MTMR9: variants seen among roughly 807,000 people sequenced by gnomAD.
MTMR9 encodes the protein myotubularin related protein 9, also known as myotubularin-related protein 9.
A neutral mutation model predicts 69.5 loss-of-function variants in MTMR9; 39 were observed. The observed-to-expected ratio is 0.56, with a 90% CI of 0.43 to 0.73. MTMR9 has a LOEUF of 0.73. Among genes scored for constraint, MTMR9 ranks in the 30% least tolerant of loss-of-function variants. The probability of loss-of-function intolerance (pLI) is 0.00; values close to 1 mark genes in which losing one functional copy is unlikely to be tolerated. For synonymous variants in MTMR9, 354 were observed against 240.8 expected (o/e 1.47, Z -4.35); for missense variants, 900 against 671.2 (o/e 1.34, Z -3.77).
At chr8:11,314,857 A>G in intron 6 of MTMR9, 66 bp from the exon 7 acceptor site, 1 of 1,521,472 alleles carries the variant, frequency 6.6e-7, no homozygotes, top group South Asian at 1.1e-5. Flanking sequence ...AACGCTTGTT[A>G]TTAACAGAGT....
At chr8:11,290,415 GT>G (rs1345341045) in intron 1 of MTMR9, among the ~76,000 whole-genome samples, 2 of 151,946 alleles carry the variant, frequency 1.3e-5, no homozygotes, top group African/African-American at 4.8e-5. Flanking sequence ...CCCATCTGTT[GT>G]TTTTTTCTGT....
chr8:11,298,018 C>T, intron 2 of MTMR9: 1 of 446,042 alleles, frequency 2.2e-6, no homozygotes, highest in Non-Finnish European at 4.5e-6. Context: ...AGTCCGTATA[C>T]TCAAATATAT....
chr8:11,291,649 AT>A (rs1799384032), intron 1 of MTMR9, among the ~76,000 whole-genome samples: 1 of 152,134 alleles, frequency 6.6e-6, no homozygotes, highest in Admixed American at 6.5e-5. Context: ...AGTAACAATT[AT>A]TTTTAACTCC....
Position 11,328,040 on chromosome 8 carries a change from G to A in MTMR9, c.*5252G>A, listed in dbSNP as rs993737100. On this transcript the variant is annotated 3_prime_UTR_variant, in exon 10 of 10. Coordinates refer to ENST00000221086, the MANE Select transcript of MTMR9 (RefSeq NM_015458.4). ...ACTGTTCTTAGTGTGTAATATTTGC[G>A]TATGGTGTTCCTCTGCCTCAGAGGA... 2.0e-5 allele frequency: 3 copies of A among 152,150 alleles called. No homozygotes were observed. The highest frequency in any genetic ancestry group is 7.2e-5 in the African/African-American group (3 of 41,428). The allele number at this position is 152,150 out of a possible 1,614,324, so 9.4% of individuals were successfully genotyped here.
At chr8:11,331,039 A>G, downstream of MTMR9, 1 of 1,532,966 alleles carries the variant, frequency 6.5e-7, no homozygotes, top group South Asian at 1.3e-5. Flanking sequence ...CAATGAGGTC[A>G]CAATGGCTGG....
At chr8:11,303,038 C>A (rs1293358351) in intron 3 of MTMR9, among the ~76,000 whole-genome samples, 3 of 150,998 alleles carry the variant, frequency 2.0e-5, no homozygotes, top group Non-Finnish European at 4.4e-5. Flanking sequence ...TAAGTCATTC[C>A]CTCCGATTTA....
At chr8:11,314,397 T>G (rs796564659) in intron 6 of MTMR9, among the ~76,000 whole-genome samples, 22 of 152,320 alleles carry the variant, frequency 1.4e-4, no homozygotes, top group African/African-American at 5.3e-4. Flanking sequence ...TTTTTCCTGT[T>G]GTCGTGTTTC....
intron 2 of MTMR9, 128 bp from the exon 3 acceptor site, chr8:11,299,895 A>G: frequency 8.9e-7 from 1 of 1,118,752 alleles, no homozygotes; most frequent in South Asian, 1.6e-5. Context: ...TGATAAACAC[A>G]ATGTTAGAGA....
At chr8:11,296,372 AT>A (rs1356440452) in intron 2 of MTMR9, among the ~76,000 whole-genome samples, 1 of 152,148 alleles carries the variant, frequency 6.6e-6, no homozygotes, top group Non-Finnish European at 1.5e-5. Context: ...ACTTACTATA[AT>A]TTTATGGTGA....
chr8:11,305,663 C>T (rs1034324000), intron 4 of MTMR9, among the ~76,000 whole-genome samples: 1 of 152,162 alleles, frequency 6.6e-6, no homozygotes, highest in African/African-American at 2.4e-5. Flanking sequence ...TCCTTGAATA[C>T]TGAAAAGGAT....
intron 2 of MTMR9, among the ~76,000 whole-genome samples, chr8:11,298,190 C>G (rs7013839): frequency 2.0e-5 from 3 of 152,050 alleles, no homozygotes; most frequent in Non-Finnish European, 2.9e-5. Context: ...AAGGAAAAGA[C>G]CTCTTTCTAG....
rs1478404615 is a variant in MTMR9 at position 11,323,932 on chromosome 8, A to G, written c.*1144A>G. On this transcript the variant is annotated 3_prime_UTR_variant, in exon 10 of 10. Transcript: ENST00000221086. ...CAGAAACAGATTTGAGTGTTTCAGT[A>G]TTATAGAAACAGTGATGACTATTCA... The G allele has an allele frequency of 6.6e-6, 1 of 152,216 alleles. No individual in the cohort carries two copies. Among genetic ancestry groups the G allele is most frequent in the Non-Finnish European group, 1.5e-5 (1 of 68,054 alleles). The allele number at this position is 152,216 out of a possible 1,614,324, so 9.4% of individuals were successfully genotyped here.
intron 2 of MTMR9, among the ~76,000 whole-genome samples, chr8:11,297,574 G>T (rs568240105): frequency 6.6e-6 from 1 of 151,116 alleles, no homozygotes; most frequent in East Asian, 1.9e-4. Flanking sequence ...TCACTGACCA[G>T]TCTTCGTTTT....
At chr8:11,336,294 C>T in the MTMR9 span, among the ~76,000 whole-genome samples, 1 of 152,156 alleles carries the variant, frequency 6.6e-6, no homozygotes, top group South Asian at 2.1e-4. Flanking sequence ...CACATGACTA[C>T]TTTGTATTTG....
intron 2 of MTMR9, chr8:11,298,031 T>C: frequency 2.3e-6 from 1 of 431,302 alleles, no homozygotes; most frequent in Admixed American, 2.4e-5. Flanking sequence ...AAATATATTC[T>C]GCTGCCTCAC....
chr8:11,312,372 T>A (rs1324137023), intron 6 of MTMR9, among the ~76,000 whole-genome samples: 1 of 151,550 alleles, frequency 6.6e-6, no homozygotes, highest in East Asian at 1.9e-4. Context: ...TGAGATGGGG[T>A]CTTTCCCTCT....
In MTMR9 at chr8:11,316,725, A is replaced by C; in HGVS notation, c.1166A>C (p.Lys389Thr). 6.2e-7 allele frequency: 1 copy of C among 1,613,652 alleles called. No individual in the cohort carries two copies. Among genetic ancestry groups the C allele is most frequent in the Non-Finnish European group, 8.5e-7 (1 of 1,179,830 alleles). ...RCAQSAYCNT[K>T]QKWEAPVFLL... ...GCACAGTCAGCCTACTGTAACACCA[A>C]GCAGAAGTGGGAGGCTCCTGTATTT... The change falls in exon 8 of 10, where the codon AAG becomes ACG. Residue 389 changes from lysine (K) to threonine (T), a missense_variant. Coordinates refer to ENST00000221086, the MANE Select transcript of MTMR9 (RefSeq NM_015458.4).
chr8:11,291,793 C>G (rs1799387822), intron 1 of MTMR9, among the ~76,000 whole-genome samples: 2 of 152,182 alleles, frequency 1.3e-5, no homozygotes, highest in South Asian at 2.1e-4. Flanking sequence ...AACCGTATGT[C>G]TTGTACATTT....
intron 1 of MTMR9, among the ~76,000 whole-genome samples, chr8:11,288,640 C>T (rs1463568219): frequency 2.0e-5 from 3 of 152,084 alleles, no homozygotes; most frequent in Non-Finnish European, 4.4e-5. Flanking sequence ...GGGCAGGGAA[C>T]AGAGAGTACA....
Sources: gnomAD v4.1 joint callset for allele counts (sites outside exome capture counted in the v4.1 genomes callset) on GRCh38, gnomAD v4.1.1 for gene constraint, MANE v1.5 for transcripts, NCBI Gene and HGNC (gene_info 2026-07-23, HGNC 2026-07-21) for gene names.